Variants in GRID2 observed in about 807,000 individuals in gnomAD.
GRID2 encodes glutamate ionotropic receptor delta type subunit 2, also known as glutamate receptor ionotropic, delta-2.
A neutral mutation model predicts 114.8 loss-of-function variants in GRID2; 33 were observed. That is an observed-to-expected ratio of 0.29 (90% CI 0.22 to 0.38). The LOEUF is 0.38. Among genes scored for constraint, GRID2 ranks in the 10% least tolerant of loss-of-function variants. The pLI is 1.00. For synonymous variants in GRID2, 505 were observed against 449.9 expected (o/e 1.12, Z -1.55); for missense variants, 1,184 against 1,257.7 (o/e 0.94, Z 0.89).
intron 1 of GRID2, among the ~76,000 whole-genome samples, chr4:92,329,023 G>T (rs184463361): frequency 6.6e-6 from 1 of 151,938 alleles, no homozygotes; most frequent in Admixed American, 6.6e-5. Flanking sequence ...TAGTCTCCTG[G>T]GTAGAGTTTG....
chr4:92,958,160 T>G (rs1208631410), intron 2 of GRID2, among the ~76,000 whole-genome samples: 1 of 152,050 alleles, frequency 6.6e-6, no homozygotes, highest in African/African-American at 2.4e-5. Context: ...TGTATAATTG[T>G]GCTAGGACTT....
At chr4:93,517,944 CATACATGTAT>C (rs1729906769) in intron 13 of GRID2, among the ~76,000 whole-genome samples, 1 of 32,928 alleles carries the variant, frequency 3.0e-5, no homozygotes, top group African/African-American at 1.3e-4. Context: ...TATGTATATA[CATACATGTAT>C]ATGTATGTAT....
intron 2 of GRID2, among the ~76,000 whole-genome samples, chr4:93,033,403 TC>T (rs1724619999): frequency 1.3e-5 from 2 of 152,238 alleles, no homozygotes; most frequent in South Asian, 4.1e-4. Flanking sequence ...TCGGTTGTCC[TC>T]CCCTCGTGAA....
chr4:93,773,197 A>G lies in GRID2; in HGVS notation c.*699A>G, dbSNP rs1278665901. On this transcript the variant is annotated 3_prime_UTR_variant, in exon 16 of 16. Coordinates refer to ENST00000282020, the MANE Select transcript of GRID2 (RefSeq NM_001510.4). ...ACTTTATCATATGGCAGAAGCCTCT[A>G]TTGTGTTAAATAAATTAGTATTTCA... The G allele has an allele frequency of 6.6e-6, 1 of 152,144 alleles. No homozygotes were observed. Among genetic ancestry groups the G allele is most frequent in the African/African-American group, 2.4e-5 (1 of 41,444 alleles). 9.4% of individuals were successfully genotyped at this position (152,144 alleles called of 1,614,324 possible).
intron 2 of GRID2, chr4:92,822,787 C>T (rs551090282): frequency 6.3e-6 from 1 of 158,808 alleles, no homozygotes; most frequent in Admixed American, 6.5e-5. Context: ...TTGGTTTCGT[C>T]CCTGTTCAAT....
intron 13 of GRID2, among the ~76,000 whole-genome samples, chr4:93,603,488 A>C (rs1739904954): frequency 6.6e-6 from 1 of 152,224 alleles, no homozygotes; most frequent in Admixed American, 6.5e-5. Context: ...AAAATGAAGC[A>C]ACAGATGCTG....
chr4:92,777,061 T>C (rs1331861768), intron 2 of GRID2, among the ~76,000 whole-genome samples: 1 of 151,892 alleles, frequency 6.6e-6, no homozygotes, highest in East Asian at 1.9e-4. Context: ...AAGTAAGTCC[T>C]CCGCTCATGG....
chr4:92,535,358 C>G (rs1313577817), intron 1 of GRID2, among the ~76,000 whole-genome samples: 2 of 152,124 alleles, frequency 1.3e-5, no homozygotes, highest in African/African-American at 2.4e-5. Flanking sequence ...ACAATATTCT[C>G]TTTCCCCCAA....
intron 2 of GRID2, among the ~76,000 whole-genome samples, chr4:92,719,209 A>T (rs769973307): frequency 4.6e-5 from 7 of 151,872 alleles, no homozygotes; most frequent in Non-Finnish European, 1.0e-4. Flanking sequence ...TTGGTCTCGA[A>T]CTCCTGAACT....
intron 13 of GRID2, among the ~76,000 whole-genome samples, chr4:93,589,306 G>GT (rs1262454454): frequency 6.7e-6 from 1 of 150,040 alleles, no homozygotes; most frequent in Non-Finnish European, 1.5e-5. Flanking sequence ...GTGGTGTTTG[G>GT]TTTTTTTGTT....
intron 15 of GRID2, among the ~76,000 whole-genome samples, chr4:93,771,154 TA>T (rs1311029476): frequency 4.6e-5 from 7 of 152,212 alleles, no homozygotes; most frequent in African/African-American, 1.4e-4. Flanking sequence ...ATAAGACTAA[TA>T]ACAAGGATAA....
intron 8 of GRID2, among the ~76,000 whole-genome samples, chr4:93,325,795 C>A (rs546872908): frequency 6.6e-6 from 1 of 151,982 alleles, no homozygotes; most frequent in Non-Finnish European, 1.5e-5. Flanking sequence ...GATACTGGAA[C>A]CTTTTGTTCA....
intron 2 of GRID2, among the ~76,000 whole-genome samples, chr4:92,712,501 G>A (rs1421023099): frequency 6.6e-6 from 1 of 151,970 alleles, no homozygotes; most frequent in Non-Finnish European, 1.5e-5. Context: ...TAACAATTAT[G>A]GTTTCTAATT....
intron 13 of GRID2, among the ~76,000 whole-genome samples, chr4:93,613,568 G>A (rs1211348958): frequency 1.1e-5 from 1 of 89,884 alleles, no homozygotes; most frequent in Non-Finnish European, 2.4e-5. Flanking sequence ...GGAATACCCT[G>A]CCGTGTGAGG....
intron 2 of GRID2, among the ~76,000 whole-genome samples, chr4:93,002,401 C>T (rs544192110): frequency 3.3e-5 from 5 of 151,098 alleles, no homozygotes; most frequent in Admixed American, 6.6e-5. Flanking sequence ...CCTTGTTTAC[C>T]GTAGCCAAAA....
chr4:92,544,002 G>T (rs1348660130), intron 1 of GRID2, among the ~76,000 whole-genome samples: 1 of 152,134 alleles, frequency 6.6e-6, no homozygotes, highest in Admixed American at 6.6e-5. Context: ...GAACATGGTT[G>T]GAGTATTTAT....
intron 2 of GRID2, among the ~76,000 whole-genome samples, chr4:92,877,092 T>G (rs1745687311): frequency 6.6e-6 from 1 of 152,198 alleles, no homozygotes; most frequent in African/African-American, 2.4e-5. Flanking sequence ...TTTAAAAAAC[T>G]CTCCATTAAA....
chr4:92,895,384 C>CATATATATATATATATAT (rs10528035), intron 2 of GRID2, among the ~76,000 whole-genome samples: 8,944 of 107,414 alleles, frequency 0.083, 577 homozygotes, highest in Middle Eastern at 0.13. Context: ...ATGTAGAAAA[C>CATATATATATATATATAT]ATATATATAT....
intron 12 of GRID2, among the ~76,000 whole-genome samples, chr4:93,502,715 C>CA (rs1728236784): frequency 1.7e-5 from 2 of 117,162 alleles, no homozygotes; most frequent in African/African-American, 3.5e-5. Context: ...ACTCCCCCCC[C>CA]CCACACACAC....
Sources: allele counts gnomAD v4.1 joint callset (sites outside exome capture counted in the v4.1 genomes callset), GRCh38; gene constraint gnomAD v4.1.1; transcripts MANE v1.5; gene names NCBI Gene and HGNC (gene_info 2026-07-23, HGNC 2026-07-21).